RBFOX1: variants seen among roughly 807,000 people sequenced by gnomAD.
RBFOX1 encodes RNA binding fox-1 homolog 1.
In RBFOX1, 8 loss-of-function variants were observed where a neutral mutation model predicts 57.7. The ratio of observed to expected loss-of-function variants is 0.14; its 90% CI spans 0.08 to 0.25. RBFOX1 has a LOEUF of 0.25. Ranked by LOEUF, RBFOX1 falls within the 10% of genes least tolerant of loss-of-function variation. RBFOX1 has a pLI of 1.00. For synonymous variants in RBFOX1, 326 were observed against 222.4 expected (o/e 1.47, Z -4.15); for missense variants, 611 against 548.5 (o/e 1.11, Z -1.14).
rs1040780377 is a variant in RBFOX1, at chr16:7,712,185, G to C, written c.*1440G>C. 7 of 152,686 alleles carry C rather than the reference G, an allele frequency of 4.6e-5. No homozygotes were observed. Among genetic ancestry groups the C allele is most frequent in the Non-Finnish European group, 7.4e-5 (5 of 68,026 alleles). The allele number at this position is 152,686 out of a possible 1,614,324, so 9.5% of individuals were successfully genotyped here. On this transcript the variant is annotated 3_prime_UTR_variant, in exon 16 of 16. Transcript: ENST00000550418. ...TTGTCCTGTTTACAAGTTAACTTAA[G>C]TTGGGGTATCCGTCACGGGTCTTCC... is the stretch of plus-strand genomic sequence containing the variant.
rs538726174 is a variant in RBFOX1 at position 5,911,475 on chromosome 16, T to C, written c.351+44140T>C. Among the ~76,000 whole-genome samples the C allele has an allele frequency of 8.5e-5, 13 of 152,284 alleles. No homozygotes were observed. In the South Asian group the frequency reaches 2.1e-3, roughly 24 times the overall value. ...CTTCATCCCCACAGTATTGAGTACA[T>C]GTTTATTTTCTTTACTAACAGAGAG... is the stretch of plus-strand genomic sequence containing the variant. On this transcript the variant is annotated intron_variant, in intron 4 of 19. Transcript: ENST00000641259.
intron 3 of RBFOX1, among the ~76,000 whole-genome samples, chr16:7,011,793 C>T (rs573663804): frequency 2.6e-5 from 4 of 152,310 alleles, no homozygotes; most frequent in South Asian, 2.1e-4. Context: ...GGATTACAGG[C>T]GTGAGCCGCC....
intron 4 of RBFOX1, among the ~76,000 whole-genome samples, chr16:7,280,648 C>G (rs2095522732): frequency 6.6e-6 from 1 of 152,074 alleles, no homozygotes; most frequent in African/African-American, 2.4e-5. Context: ...CTGGGGCAGT[C>G]AACTGGCATC....
intron 14 of RBFOX1, among the ~76,000 whole-genome samples, chr16:7,684,792 G>C (rs1370857246): frequency 6.6e-6 from 1 of 152,014 alleles, no homozygotes; most frequent in Non-Finnish European, 1.5e-5. Flanking sequence ...CTACCAAACA[G>C]AATATGAGCC....
Position 7,163,521 on chromosome 16 carries a change from C to G in RBFOX1, c.27+111423C>G, listed in dbSNP as rs1049512888. ...GGTCCTTCTGTTCCCGTTAGCACTCCCTTTAACATCAGTCTCTCTCCCTCT... is the reference window on the plus strand; with the variant it reads ...GGTCCTTCTGTTCCCGTTAGCACTCGCTTTAACATCAGTCTCTCTCCCTCT... On this transcript the variant is annotated intron_variant, in intron 4 of 15. Coordinates refer to ENST00000550418, the MANE Select transcript of RBFOX1 (RefSeq NM_018723.4). 5.3e-5 allele frequency among the ~76,000 whole-genome samples: 8 copies of G among 152,224 alleles called. No homozygotes were observed. The East Asian group carries it at 1.4e-3, about 26-fold the overall frequency.
chr16:5,896,862 C>T (rs2058177089), intron 4 of RBFOX1, among the ~76,000 whole-genome samples: 1 of 152,160 alleles, frequency 6.6e-6, no homozygotes, highest in South Asian at 2.1e-4. Flanking sequence ...AGTTCCTAAA[C>T]ATCATATATT....
intron 3 of RBFOX1, among the ~76,000 whole-genome samples, chr16:6,814,347 G>A (rs1350292570): frequency 2.6e-5 from 4 of 152,102 alleles, no homozygotes; most frequent in African/African-American, 9.7e-5. Flanking sequence ...TCCTGATCAT[G>A]TCCTAAGTGT....
intron 2 of RBFOX1, among the ~76,000 whole-genome samples, chr16:6,612,768 C>T (rs2098080979): frequency 6.6e-6 from 1 of 150,934 alleles, no homozygotes; most frequent in Admixed American, 6.6e-5. Flanking sequence ...AGGAGAATTA[C>T]TTGAACCTAG....
intron 1 of RBFOX1, among the ~76,000 whole-genome samples, chr16:6,102,084 G>C (rs998473117): frequency 6.6e-6 from 1 of 150,804 alleles, no homozygotes; most frequent in African/African-American, 2.4e-5. Context: ...TAGCAGGGTG[G>C]TCTGATTTCC....
intron 3 of RBFOX1, among the ~76,000 whole-genome samples, chr16:6,932,495 T>C (rs933426470): frequency 6.6e-6 from 1 of 152,176 alleles, no homozygotes; most frequent in African/African-American, 2.4e-5. Context: ...ACCATAGCCC[T>C]TCTTGATGGA....
chr16:7,439,045 T>G (rs1180645696), intron 4 of RBFOX1, among the ~76,000 whole-genome samples: 1 of 152,150 alleles, frequency 6.6e-6, no homozygotes, highest in Non-Finnish European at 1.5e-5. Context: ...CACCGCACTT[T>G]GTTTTGTTGA....
rs117625030 is a variant in RBFOX1 at position 5,446,035 on chromosome 16, G to A, written c.220-21181G>A. The stretch of plus-strand genomic sequence containing the variant: ...GATTTTTTGTTGATGGATGTAAATG[G>A]TCTTGGAAGTAAATTTTTACCCTGG... On this transcript the variant is annotated intron_variant, in intron 1 of 2. Transcript: ENST00000585867. 8.3e-3 allele frequency among the ~76,000 whole-genome samples: 1,261 copies of A among 152,306 alleles called. 9 individuals are homozygous for A. The highest frequency in any genetic ancestry group is 0.031 in the Middle Eastern group (9 of 294).
At chr16:5,877,554 G>C (rs189285141) in intron 4 of RBFOX1, among the ~76,000 whole-genome samples, 1 of 152,192 alleles carries the variant, frequency 6.6e-6, no homozygotes, top group Non-Finnish European at 1.5e-5. Flanking sequence ...GGGCTTAGCC[G>C]AAGAGGGTTC....
At chr16:5,348,822 C>T (rs2065199314) in intron 1 of RBFOX1, among the ~76,000 whole-genome samples, 2 of 152,202 alleles carry the variant, frequency 1.3e-5, no homozygotes, top group Admixed American at 1.3e-4. Flanking sequence ...AATTTGTCAG[C>T]AGACTCTTAG....
At chr16:5,695,420 A>C (rs2151469509) in intron 3 of RBFOX1, among the ~76,000 whole-genome samples, 1 of 152,302 alleles carries the variant, frequency 6.6e-6, no homozygotes, top group East Asian at 1.9e-4. Context: ...GAATCTCTAA[A>C]AAACCACTCT....
At chr16:6,765,981 G>C (rs920512817) in intron 3 of RBFOX1, among the ~76,000 whole-genome samples, 3 of 152,106 alleles carry the variant, frequency 2.0e-5, no homozygotes, top group Admixed American at 2.0e-4. Flanking sequence ...CAGAAGATGG[G>C]AGGGTAGAAG....
rs373486193 is a variant in RBFOX1, at chr16:6,118,854, C to G, written c.-127+98862C>G. The stretch of plus-strand genomic sequence containing the variant: ...TTTCTCTCTTTCCCCATCTTCTTCA[C>G]TAATCCTGCACATGAGGGCTCTTGT... On this transcript the variant is annotated intron_variant, in intron 1 of 15. Transcript: ENST00000550418. Among the ~76,000 whole-genome samples the G allele has an allele frequency of 1.1e-4, 16 of 151,644 alleles. No individual in the cohort carries two copies. The East Asian group carries it at 2.3e-3, about 22-fold the overall frequency.
chr16:6,739,531 C>G (rs4786925), intron 3 of RBFOX1, among the ~76,000 whole-genome samples: 11,992 of 142,876 alleles, frequency 0.084, 713 homozygotes, highest in Non-Finnish European at 0.12. Flanking sequence ...CTGGAGAATT[C>G]TACCCATATT....
intron 2 of RBFOX1, among the ~76,000 whole-genome samples, chr16:6,414,654 G>C (rs1484134107): frequency 6.6e-6 from 1 of 152,190 alleles, no homozygotes; most frequent in Admixed American, 6.5e-5. Context: ...AATAATGATA[G>C]CTGTGCCCAT....
Sources: gnomAD v4.1 joint callset for allele counts (sites outside exome capture counted in the v4.1 genomes callset) on GRCh38, gnomAD v4.1.1 for gene constraint, MANE v1.5 for transcripts, NCBI Gene and HGNC (gene_info 2026-07-23, HGNC 2026-07-21) for gene names.